FOCAD: variants seen among roughly 807,000 people sequenced by gnomAD.
FOCAD encodes KIAA1797.
Under a neutral mutation model 225.6 loss-of-function variants are expected in FOCAD, and 198 were observed. The observed-to-expected ratio is 0.88, with a 90% confidence interval of 0.78 to 0.99. The LOEUF (loss-of-function observed/expected upper bound fraction) is 0.99. FOCAD is among the 50% of genes least tolerant of loss of function. The probability of loss-of-function intolerance (pLI) is 0.00; values close to 1 mark genes in which losing one functional copy is unlikely to be tolerated. For synonymous variants in FOCAD, 897 were observed against 755.0 expected, an observed-to-expected ratio of 1.19 and a Z score of -3.08; for missense variants, 2,713 against 2,123.6, an observed-to-expected ratio of 1.28 and a Z score of -5.46.
intron 4 of FOCAD, among the ~76,000 whole-genome samples, chr9:20,730,746 T>C (rs1826618257): frequency 6.6e-6 from 1 of 152,176 alleles, no homozygotes; most frequent in African/African-American, 2.4e-5. Flanking sequence ...TAAGACTCTC[T>C]TAGGAATTAA....
intron 4 of FOCAD, among the ~76,000 whole-genome samples, chr9:20,723,145 TC>T (rs1163529050): frequency 9.8e-5 from 15 of 152,376 alleles, no homozygotes; most frequent in Admixed American, 7.2e-4. Flanking sequence ...TCCTGTCATC[TC>T]TGCATATTAT....
chr9:20,720,912 G>C (rs1825722058), intron 4 of FOCAD, among the ~76,000 whole-genome samples: 1 of 152,168 alleles, frequency 6.6e-6, no homozygotes, highest in Admixed American at 6.5e-5. Context: ...GGCATTACTT[G>C]GCCAGGCCTT....
intron 2 of FOCAD, among the ~76,000 whole-genome samples, chr9:20,662,358 C>T (rs1007114324): frequency 3.9e-4 from 59 of 152,230 alleles, no homozygotes; most frequent in African/African-American, 1.3e-3. Flanking sequence ...GGGTCAGCCT[C>T]GGGGGTAAAG....
Position 20,948,921 on chromosome 9 carries a change from T to C in FOCAD, c.3869T>C (p.Val1290Ala). ...MVALVGSEGDVMQLKSEAIQT... is the reference protein window; with the variant it reads ...MVALVGSEGDAMQLKSEAIQT... ...GCCTTGGTAGGCTCTGAAGGGGATG[T>C]AATGCAGGTAAAGAAAGGAACCATG... Residue 1290 changes from valine to alanine, a missense_variant, in exon 32 of 44, where the codon GTA becomes GCA. Physicochemically the swap from Val to Ala is moderately conservative, Grantham distance 64. Coordinates refer to ENST00000338382, the MANE Select transcript of FOCAD (RefSeq NM_001375567.1). The C allele has an allele frequency of 1.2e-6, 2 of 1,613,386 alleles. No individual in the cohort carries two copies. The highest frequency in any genetic ancestry group is 1.7e-6 in the Non-Finnish European group (2 of 1,179,434).
At chr9:20,736,349 A>C (rs1400463212) in intron 4 of FOCAD, among the ~76,000 whole-genome samples, 1 of 152,156 alleles carries the variant, frequency 6.6e-6, no homozygotes, top group Non-Finnish European at 1.5e-5. Flanking sequence ...TTGCTTCTCC[A>C]GTGGTTATGT....
chr9:20,924,524 A>C (rs1834759945), intron 25 of FOCAD, among the ~76,000 whole-genome samples: 1 of 152,226 alleles, frequency 6.6e-6, no homozygotes, highest in African/African-American at 2.4e-5. Context: ...TAAATGAATT[A>C]ATATATGTGA....
chr9:20,802,092 A>G (rs1422041885), intron 11 of FOCAD, among the ~76,000 whole-genome samples: 1 of 152,170 alleles, frequency 6.6e-6, no homozygotes, highest in Non-Finnish European at 1.5e-5. Flanking sequence ...ATGGCTACAA[A>G]CTAAGTGGAG....
chr9:20,697,611 A>G (rs1193441845), intron 1 of FOCAD, among the ~76,000 whole-genome samples: 1 of 152,230 alleles, frequency 6.6e-6, no homozygotes, highest in East Asian at 1.9e-4. Context: ...TGTCACTATC[A>G]GAAAGAGCTT....
At chr9:20,972,017 T>C (rs986471486) in intron 35 of FOCAD, among the ~76,000 whole-genome samples, 2 of 152,168 alleles carry the variant, frequency 1.3e-5, no homozygotes, top group Non-Finnish European at 2.9e-5. Context: ...TTTGGGTTGC[T>C]TTTACCAATT....
intron 15 of FOCAD, among the ~76,000 whole-genome samples, chr9:20,851,211 G>GT (rs775707740): frequency 0.014 from 1,812 of 128,404 alleles, 31 homozygotes; most frequent in African/African-American, 0.043. Context: ...AAGAGTTTTG[G>GT]TTTTTTTTTT....
chr9:20,732,473 G>C (rs1161771751), intron 4 of FOCAD, among the ~76,000 whole-genome samples: 1 of 152,216 alleles, frequency 6.6e-6, no homozygotes, highest in Non-Finnish European at 1.5e-5. Flanking sequence ...AATGCTAAGA[G>C]TGAGGGGAGA....
At chr9:20,919,864 A>C (rs1371882094) in intron 24 of FOCAD, among the ~76,000 whole-genome samples, 2 of 152,012 alleles carry the variant, frequency 1.3e-5, no homozygotes, top group Admixed American at 6.5e-5. Context: ...AAACCCTAGA[A>C]GAAAACCTAG....
intron 5 of FOCAD, among the ~76,000 whole-genome samples, chr9:20,746,388 C>T (rs1404282215): frequency 6.6e-6 from 1 of 151,936 alleles, no homozygotes; most frequent in African/African-American, 2.4e-5. Flanking sequence ...GAAGTAGGCA[C>T]GGGCTAGAAT....
At position 20,923,777 on chromosome 9, in the gene FOCAD, G is replaced by C; in HGVS notation, c.2961+9G>C. The C allele has an allele frequency of 6.2e-7, 1 of 1,604,522 alleles. No individual in the cohort carries two copies. Among genetic ancestry groups the C allele is most frequent in the Non-Finnish European group, 8.5e-7 (1 of 1,172,066 alleles). On this transcript the variant is annotated intron_variant, in intron 25 of 43. Transcript: ENST00000338382. ...CTGACGGGCTCCTGGAGGTTAGTTG[G>C]GGTGATTTAAACAATTGGCTTTGAT...
chr9:20,702,191 C>T (rs1009857959), intron 1 of FOCAD, among the ~76,000 whole-genome samples: 6 of 152,114 alleles, frequency 3.9e-5, no homozygotes, highest in South Asian at 2.1e-4. Context: ...TAGCCTTAAT[C>T]TCCAGTGCTC....
intron 18 of FOCAD, among the ~76,000 whole-genome samples, chr9:20,871,097 G>T (rs940720070): frequency 2.6e-5 from 4 of 151,880 alleles, no homozygotes; most frequent in Admixed American, 2.0e-4. Flanking sequence ...CCAGCTACTC[G>T]GGAGGCTGAG....
intron 21 of FOCAD, among the ~76,000 whole-genome samples, chr9:20,905,763 C>T (rs763612144): frequency 6.6e-6 from 1 of 151,980 alleles, no homozygotes; most frequent in Non-Finnish European, 1.5e-5. Context: ...ACCTGGATAA[C>T]AGGAGAAGAA....
intron 35 of FOCAD, among the ~76,000 whole-genome samples, chr9:20,974,845 A>T (rs549185935): frequency 6.7e-6 from 1 of 148,918 alleles, no homozygotes; most frequent in South Asian, 2.1e-4. Context: ...ACGTTTGCTG[A>T]CTCTGGCTCC....
In FOCAD at chr9:20,986,480, G is replaced by C. The variant is rs769368780; in HGVS notation, c.4906+15G>C. ...TGCCAATACGGGTGAGGACACCCTG[G>C]GGTGAACATCAGAAACAGGAATAGA... On this transcript the variant is annotated intron_variant, in intron 40 of 43. Transcript: ENST00000338382. 6.3e-7 allele frequency: 1 copy of C among 1,578,590 alleles called. No homozygotes were observed. Among genetic ancestry groups the C allele is most frequent in the Non-Finnish European group, 8.6e-7 (1 of 1,164,120 alleles).
Sources: gnomAD v4.1 joint callset for allele counts (sites outside exome capture counted in the v4.1 genomes callset) on GRCh38, gnomAD v4.1.1 for gene constraint, MANE v1.5 for transcripts, NCBI Gene and HGNC (gene_info 2026-07-23, HGNC 2026-07-21) for gene names.